TSPEAR: variants seen among roughly 807,000 people sequenced by gnomAD.
TSPEAR encodes the protein thrombospondin-type laminin G domain and EAR repeat-containing protein.
Under a neutral mutation model 71.6 loss-of-function variants are expected in TSPEAR, and 69 were observed. The ratio of observed to expected loss-of-function variants is 0.96; its 90% confidence interval spans 0.79 to 1.18. The LOEUF (loss-of-function observed/expected upper bound fraction) is 1.18. Ranked by LOEUF, TSPEAR falls within the 50% of genes most tolerant of loss-of-function variation. The pLI, the probability that TSPEAR is intolerant of heterozygous loss-of-function variation, is 0.00. For missense variants in TSPEAR, 971 were observed against 894.9 expected, an observed-to-expected ratio of 1.09 and a Z score of -1.09; for synonymous variants, 402 against 387.2, an observed-to-expected ratio of 1.04 and a Z score of -0.45.
intron 1 of TSPEAR, among the ~76,000 whole-genome samples, chr21:44,648,852 G>T (rs1555940807): frequency 6.6e-6 from 1 of 152,242 alleles, no homozygotes; most frequent in Admixed American, 6.5e-5. Context: ...GTGTGTCCAT[G>T]CAACTGTCCA....
rs368658876 is a variant in TSPEAR, at chr21:44,574,508, C to T, written c.83-6503G>A. ...TGTGCTCTGAGGATTCCTCTTCATG[C>T]TGCCAGCAGTCTAGCTGCCAGCCGG... On this transcript the variant is annotated intron_variant, in intron 1 of 11. Transcript: ENST00000323084. 42 of 1,612,530 alleles carry T rather than the reference C, an allele frequency of 2.6e-5. No individual in the cohort carries two copies. In the African/African-American group the frequency reaches 5.2e-4, roughly 20 times the overall value.
rs2052742847 is a variant in TSPEAR, at chr21:44,521,947, G to A, written c.1502C>T (p.Thr501Ile). Residue 501 changes from threonine (T) to isoleucine (I), a missense_variant, in exon 9 of 12, where the codon ACC becomes ATC. Coordinates refer to ENST00000323084, the MANE Select transcript of TSPEAR (RefSeq NM_144991.3). ...GATGTAGAGGTGCGAGTGCACCTTG[G>A]TGGAGGTGCCGTTGAAGGTGTTGGC... ...VVANTFNGTS[T>I]KVHSHLYIRL... is the part of the protein sequence containing the mutation. 1.2e-6 allele frequency: 2 copies of A among 1,614,028 alleles called. No homozygotes were observed. Among genetic ancestry groups the A allele is most frequent in the Admixed American group, 1.7e-5 (1 of 60,010 alleles).
At chr21:44,637,750 G>A (rs782261871) in intron 1 of TSPEAR, 21 of 1,338,516 alleles carry the variant, frequency 1.6e-5, no homozygotes, top group Middle Eastern at 1.9e-4. Context: ...TCTGTAACAA[G>A]CCTGTGTGCT....
intron 3 of TSPEAR, among the ~76,000 whole-genome samples, chr21:44,531,943 C>T (rs1393493231): frequency 6.6e-6 from 1 of 152,234 alleles, no homozygotes; most frequent in African/African-American, 2.4e-5. Context: ...GCCCACGCTG[C>T]CACTGTCTCT....
At chr21:44,657,728 G>A (rs1394362349) in intron 1 of TSPEAR, among the ~76,000 whole-genome samples, 3 of 152,130 alleles carry the variant, frequency 2.0e-5, no homozygotes, top group Non-Finnish European at 2.9e-5. Context: ...CCTGCATAAC[G>A]TCAAACCAGA....
intron 1 of TSPEAR, among the ~76,000 whole-genome samples, chr21:44,633,836 A>G (rs1313314508): frequency 1.3e-5 from 2 of 152,148 alleles, no homozygotes; most frequent in East Asian, 3.8e-4. Context: ...GAAGTCTTCA[A>G]ACATTATTGT....
chr21:44,680,156 C>G (rs587708315), intron 1 of TSPEAR, among the ~76,000 whole-genome samples: 126 of 152,192 alleles, frequency 8.3e-4, no homozygotes, highest in African/African-American at 2.7e-3. Context: ...TGACTAATAT[C>G]CAGAATATGT....
chr21:44,701,122 AT>A, intron 1 of TSPEAR, among the ~76,000 whole-genome samples: 1 of 152,278 alleles, frequency 6.6e-6, no homozygotes, highest in South Asian at 2.1e-4. Context: ...ATCCTTAAAC[AT>A]TTTTTAAACC....
chr21:44,680,133 T>C (rs1191422108), intron 1 of TSPEAR, among the ~76,000 whole-genome samples: 4 of 152,164 alleles, frequency 2.6e-5, no homozygotes, highest in African/African-American at 9.7e-5. Flanking sequence ...TTGTAAACTA[T>C]GCATCTGACA....
intron 2 of TSPEAR, among the ~76,000 whole-genome samples, chr21:44,564,854 G>A (rs2146065056): frequency 6.6e-6 from 1 of 152,224 alleles, no homozygotes; most frequent in South Asian, 2.1e-4. Context: ...TGCATATGCA[G>A]TATCGTCTAG....
intron 1 of TSPEAR, among the ~76,000 whole-genome samples, chr21:44,588,266 T>C (rs1333046720): frequency 1.3e-5 from 2 of 151,932 alleles, no homozygotes; most frequent in African/African-American, 4.8e-5. Flanking sequence ...CCAACAAACA[T>C]AGGAAAAAAT....
intron 1 of TSPEAR, among the ~76,000 whole-genome samples, chr21:44,701,904 G>A (rs1245076384): frequency 6.6e-6 from 1 of 152,126 alleles, no homozygotes; most frequent in Non-Finnish European, 1.5e-5. Context: ...TGTGTCTTTC[G>A]GCAAGTCTCT....
intron 1 of TSPEAR, chr21:44,573,869 C>T (rs200779717): frequency 0.13 from 193,447 of 1,536,096 alleles, 74 homozygotes; most frequent in South Asian, 0.2. Flanking sequence ...AGAGCTGCTG[C>T]GAGCCCCCCT....
chr21:44,503,808 T>A (rs587749136), intron 11 of TSPEAR, among the ~76,000 whole-genome samples: 1 of 126,606 alleles, frequency 7.9e-6, no homozygotes, highest in African/African-American at 3.3e-5. Context: ...CGGTGAGCCC[T>A]CGGGGGGAAG....
At position 44,673,967 on chromosome 21, in the gene TSPEAR, C is replaced by T. The variant is rs587749482; in HGVS notation, c.82+37466G>A. On this transcript the variant is annotated intron_variant, in intron 1 of 11. Coordinates refer to ENST00000323084, the MANE Select transcript of TSPEAR (RefSeq NM_144991.3). ...CCTATAGGCTACAAAAATAACAGTGCTAAGAGGGACGTTAGTAGTAATAAA... is the reference window on the plus strand; with the variant it reads ...CCTATAGGCTACAAAAATAACAGTGTTAAGAGGGACGTTAGTAGTAATAAA... 4.6e-5 allele frequency among the ~76,000 whole-genome samples: 7 copies of T among 151,718 alleles called. No individual in the cohort carries two copies. The East Asian group carries it at 1.4e-3, about 29-fold the overall frequency.
chr21:44,657,040 G>A (rs1429145969), intron 1 of TSPEAR, among the ~76,000 whole-genome samples: 1 of 151,944 alleles, frequency 6.6e-6, no homozygotes, highest in Non-Finnish European at 1.5e-5. Flanking sequence ...CAGAGTACAG[G>A]ATTCCTGCCT....
In TSPEAR at chr21:44,599,172, C is replaced by CTCTCTCTCAATGTA. The variant is rs1372930980; in HGVS notation, c.83-31168_83-31167insTACATTGAGAGAGA. On this transcript the variant is annotated intron_variant, in intron 1 of 11. Transcript: ENST00000323084. ...TCTCTCTCTCTCTCTCTCTCTCTCT[C>CTCTCTCTCAATGTA]CTTCCATCCCATAGGACCAGATCCT... Among the ~76,000 whole-genome samples, 745 of 145,992 alleles carry CTCTCTCTCAATGTA rather than the reference C, an allele frequency of 5.1e-3. 16 individuals carry two copies. Among genetic ancestry groups the CTCTCTCTCAATGTA allele is most frequent in the African/African-American group, 0.013 (492 of 38,008 alleles).
At position 44,589,841 on chromosome 21, in the gene TSPEAR, G is replaced by A. The variant is rs781972554; in HGVS notation, c.83-21836C>T. Among the ~76,000 whole-genome samples, 7 of 152,386 alleles carry A rather than the reference G, an allele frequency of 4.6e-5. No homozygotes were observed. The East Asian group carries it at 1.3e-3, about 29-fold the overall frequency. ...GGCATAGTGAGGTGGGTGGGGCTCA[G>A]ACACGCATGTGTGGGGAGCCCCTCC... On this transcript the variant is annotated intron_variant, in intron 1 of 11. Transcript: ENST00000323084.
At chr21:44,664,203 A>C (rs1418864793) in intron 1 of TSPEAR, among the ~76,000 whole-genome samples, 6 of 152,182 alleles carry the variant, frequency 3.9e-5, no homozygotes, top group African/African-American at 1.2e-4. Context: ...AAAATTCTAC[A>C]ATAAAGCTAC....
Sources: gnomAD v4.1 joint callset for allele counts (sites outside exome capture counted in the v4.1 genomes callset) on GRCh38, gnomAD v4.1.1 for gene constraint, MANE v1.5 for transcripts, NCBI Gene and HGNC (gene_info 2026-07-23, HGNC 2026-07-21) for gene names.